Variants in BARX2 observed in about 807,000 individuals in gnomAD.
BARX2 encodes BARX homeobox 2.
In BARX2, 11 loss-of-function variants were observed where a neutral mutation model predicts 25.5. The observed-to-expected ratio is 0.43, with a 90% CI of 0.27 to 0.71. The LOEUF (loss-of-function observed/expected upper bound fraction) is 0.71, where lower values mean the gene tolerates loss of function less well. Ranked by LOEUF, BARX2 falls within the 30% of genes least tolerant of loss-of-function variation. BARX2 has a pLI of 0.19. For synonymous variants in BARX2, 137 were observed against 149.5 expected, an observed-to-expected ratio of 0.92 and a Z score of 0.61; for missense variants, 360 against 359.9, an observed-to-expected ratio of 1.00 and a Z score of 0.00.
intron 1 of BARX2, among the ~76,000 whole-genome samples, chr11:129,428,638 C>G (rs79851207): frequency 0.011 from 1,718 of 152,300 alleles, 33 homozygotes; most frequent in African/African-American, 0.04. Flanking sequence ...CTTTTCTGCT[C>G]CCCATGGGCT....
intron 1 of BARX2, among the ~76,000 whole-genome samples, chr11:129,426,532 C>T (rs1862065838): frequency 6.6e-6 from 1 of 152,126 alleles, no homozygotes; most frequent in Non-Finnish European, 1.5e-5. Flanking sequence ...ACCACCACGC[C>T]TGGCTAATTT....
At chr11:129,445,416 G>A (rs1247384600) in intron 3 of BARX2, among the ~76,000 whole-genome samples, 1 of 152,256 alleles carries the variant, frequency 6.6e-6, no homozygotes, top group Non-Finnish European at 1.5e-5. Context: ...GTGGGCCAAT[G>A]CGTGTGCCTT....
At chr11:129,429,891 A>G (rs1190556449) in intron 1 of BARX2, among the ~76,000 whole-genome samples, 1 of 152,232 alleles carries the variant, frequency 6.6e-6, no homozygotes, top group African/African-American at 2.4e-5. Context: ...AATATTTTCC[A>G]GAAATCTTGT....
At chr11:129,387,955 CG>C (rs1861631288) in intron 1 of BARX2, among the ~76,000 whole-genome samples, 2 of 152,088 alleles carry the variant, frequency 1.3e-5, no homozygotes, top group Admixed American at 6.5e-5. Flanking sequence ...GAAATGGGAA[CG>C]GGGTCACACG....
chr11:129,429,023 C>A lies in BARX2; in HGVS notation c.188-7728C>A, dbSNP rs545932296. Among the ~76,000 whole-genome samples, 8 of 90,568 alleles carry A rather than the reference C, an allele frequency of 8.8e-5. No individual in the cohort carries two copies. The East Asian group carries it at 4.0e-3, about 46-fold the overall frequency. The allele number at this position is 90,568 out of a possible 152,430, so 59.4% of individuals were successfully genotyped here. A position where few individuals can be genotyped will look rare whatever the true frequency, so the allele number is the denominator to read the frequency against. On this transcript the variant is annotated intron_variant, in intron 1 of 3. Coordinates refer to ENST00000281437, the MANE Select transcript of BARX2 (RefSeq NM_003658.5). ...AGAAGTTGTGTTTTTTTTTTTTTTT[C>A]ATGAAGATTTTTCATTAGGTTTAAG...
chr11:129,431,168 G>C (rs544606419), intron 1 of BARX2, among the ~76,000 whole-genome samples: 1 of 152,142 alleles, frequency 6.6e-6, no homozygotes, highest in Non-Finnish European at 1.5e-5. Flanking sequence ...GTAGTATTTC[G>C]TTGTGTGTCT....
At position 129,379,586 on chromosome 11, in the gene BARX2, A is replaced by C. The variant is rs1861539872; in HGVS notation, c.187+3364A>C. On this transcript the variant is annotated intron_variant, in intron 1 of 3. Transcript: ENST00000281437. ...TTGAAGAAAGCTGGTTTCTTGGGGTAGAATAGTTTGTGGAAGCATCGGCGT... is the reference window on the plus strand; with the variant it reads ...TTGAAGAAAGCTGGTTTCTTGGGGTCGAATAGTTTGTGGAAGCATCGGCGT... 3.3e-5 allele frequency among the ~76,000 whole-genome samples: 5 copies of C among 152,306 alleles called. No individual in the cohort carries two copies. In the South Asian group the frequency reaches 1.0e-3, roughly 32 times the overall value.
intron 1 of BARX2, among the ~76,000 whole-genome samples, chr11:129,378,407 C>G (rs911694576): frequency 6.6e-6 from 1 of 152,024 alleles, no homozygotes; most frequent in African/African-American, 2.4e-5. Flanking sequence ...TTGCAAATAC[C>G]ATACTTTCAA....
chr11:129,442,770 A>C, intron 2 of BARX2, 65 bp from the exon 3 acceptor site: 1 of 1,405,214 alleles, frequency 7.1e-7, no homozygotes. Context: ...GCCTGCCAGC[A>C]GGATCCCATC....
intron 1 of BARX2, among the ~76,000 whole-genome samples, chr11:129,392,175 C>G (rs1186625973): frequency 6.6e-6 from 1 of 152,180 alleles, no homozygotes; most frequent in East Asian, 1.9e-4. Context: ...TCTAGTTGCT[C>G]TCTTATTTAC....
At chr11:129,398,901 T>C (rs1164592590) in intron 1 of BARX2, among the ~76,000 whole-genome samples, 1 of 152,226 alleles carries the variant, frequency 6.6e-6, no homozygotes, top group Non-Finnish European at 1.5e-5. Flanking sequence ...TGGCTGTGTT[T>C]GCTTGACCTC....
intron 1 of BARX2, among the ~76,000 whole-genome samples, chr11:129,427,562 G>A (rs939049144): frequency 6.6e-6 from 1 of 152,156 alleles, no homozygotes; most frequent in Non-Finnish European, 1.5e-5. Flanking sequence ...AGTCAAGCAG[G>A]CAGCTTAGAA....
chr11:129,432,679 A>G (rs748794611), intron 1 of BARX2, among the ~76,000 whole-genome samples: 11 of 152,236 alleles, frequency 7.2e-5, no homozygotes, highest in Non-Finnish European at 1.6e-4. Flanking sequence ...AGGGTCAATG[A>G]AAGATTATTC....
chr11:129,411,371 C>CA (rs34667411), intron 1 of BARX2, among the ~76,000 whole-genome samples: 7,244 of 52,880 alleles, frequency 0.14, 590 homozygotes, highest in African/African-American at 0.27. Flanking sequence ...ACTCCATCTC[C>CA]AAAAAAAAAA....
rs139211336 is a variant in BARX2, at chr11:129,451,381, G to A, written c.819G>A (p.Ser273=). The A allele has an allele frequency of 6.8e-6, 11 of 1,613,510 alleles. No homozygotes were observed. Among genetic ancestry groups the A allele is most frequent in the South Asian group, 1.1e-5 (1 of 91,052 alleles). Residue 273 remains serine (S), a synonymous_variant, in exon 4 of 4, where the codon TCG becomes TCA. Transcript: ENST00000281437. ...DPPQELPIPS[S]EPPPLS ...CCCAGGAGTTGCCAATACCCTCTTC[G>A]GAACCCCCACCATTAAGCTAAAGTA...
intron 1 of BARX2, among the ~76,000 whole-genome samples, chr11:129,391,739 G>A (rs952285040): frequency 1.3e-5 from 2 of 152,156 alleles, no homozygotes; most frequent in African/African-American, 2.4e-5. Context: ...TTTTCTGCAC[G>A]GAGAGGGGGG....
At chr11:129,387,081 A>G (rs1395604796) in intron 1 of BARX2, among the ~76,000 whole-genome samples, 1 of 152,182 alleles carries the variant, frequency 6.6e-6, no homozygotes, top group African/African-American at 2.4e-5. Flanking sequence ...TTACGGGACA[A>G]AGTCCTTCTG....
chr11:129,432,860 T>A (rs1862145086), intron 1 of BARX2, among the ~76,000 whole-genome samples: 1 of 152,198 alleles, frequency 6.6e-6, no homozygotes, highest in South Asian at 2.1e-4. Context: ...GACATGGGCT[T>A]TCCTACTGCT....
intron 2 of BARX2, among the ~76,000 whole-genome samples, chr11:129,441,378 T>TTAC (rs1324475405): frequency 1.3e-5 from 2 of 152,196 alleles, no homozygotes; most frequent in African/African-American, 4.8e-5. Flanking sequence ...AGTAAATACT[T>TTAC]TACATTTTGT....
Sources: gnomAD v4.1 joint callset for allele counts (sites outside exome capture counted in the v4.1 genomes callset) on GRCh38, gnomAD v4.1.1 for gene constraint, MANE v1.5 for transcripts, NCBI Gene and HGNC (gene_info 2026-07-23, HGNC 2026-07-21) for gene names.